Variants in LRCH3 observed in about 807,000 individuals in gnomAD.
LRCH3 encodes leucine rich repeats and calponin homology domain containing 3, also known as DISP complex protein LRCH3.
In LRCH3, 68 loss-of-function variants were observed where a neutral mutation model predicts 104.5. The ratio of observed to expected loss-of-function variants is 0.65; its 90% CI spans 0.54 to 0.80. The LOEUF is 0.80. Ranked by LOEUF, LRCH3 falls within the 30% of genes least tolerant of loss-of-function variation. LRCH3 has a pLI of 0.00. For missense variants in LRCH3, 951 were observed against 953.9 expected (o/e 1.00, Z 0.04); for synonymous variants, 344 against 361.3 (o/e 0.95, Z 0.54).
At chr3:197,875,498 ACAAAAAT>A (rs1430353080) in intron 19 of LRCH3, among the ~76,000 whole-genome samples, 193 bp from the exon 20 acceptor site, 3 of 152,074 alleles carry the variant, frequency 2.0e-5, no homozygotes, top group Non-Finnish European at 4.4e-5. Context: ...CCCTGTCTCT[ACAAAAAT>A]TGCCCAGGTG....
intron 12 of LRCH3, 161 bp from the exon 13 acceptor site, chr3:197,852,400 T>C: frequency 1.5e-6 from 1 of 665,912 alleles, no homozygotes; most frequent in South Asian, 1.9e-5. Flanking sequence ...GTTTTTAAAA[T>C]TTCTAGCTAA....
At chr3:197,831,002 C>A in intron 7 of LRCH3, 139 bp downstream of exon 7, 1 of 672,344 alleles carries the variant, frequency 1.5e-6, no homozygotes, top group African/African-American at 1.8e-5. Flanking sequence ...AAGATTCCCA[C>A]CCTCTCCAGC....
At position 197,871,413 on chromosome 3, in the gene LRCH3, A is replaced by T; in HGVS notation, c.2081A>T (p.His694Leu). ...GTTGTTCTTTGCCATTTGGCCAATC[A>T]TGTGCGACCTCGATCTGTCCCAAGC... is the stretch of plus-strand genomic sequence containing the variant. Reference protein sequence around the residue: ...DGVVLCHLANHVRPRSVPSIH... With the variant: ...DGVVLCHLANLVRPRSVPSIH... Residue 694 changes from histidine to leucine, a missense_variant, in exon 19 of 21, where the codon CAT becomes CTT. His to Leu is a moderately conservative substitution (Grantham distance 99, BLOSUM62 -3). Transcript: ENST00000425562. The T allele has an allele frequency of 6.2e-7, 1 of 1,614,128 alleles. No individual in the cohort carries two copies. Among genetic ancestry groups the T allele is most frequent in the Non-Finnish European group, 8.5e-7 (1 of 1,180,016 alleles).
intron 13 of LRCH3, among the ~76,000 whole-genome samples, chr3:197,853,029 A>G (rs1473184501): frequency 6.6e-6 from 1 of 152,232 alleles, no homozygotes; most frequent in Non-Finnish European, 1.5e-5. Flanking sequence ...AATATCAAAT[A>G]GTACATTTTT....
chr3:197,876,497 T>G (rs1712905068), intron 20 of LRCH3, among the ~76,000 whole-genome samples: 1 of 152,218 alleles, frequency 6.6e-6, no homozygotes, highest in South Asian at 2.1e-4. Flanking sequence ...CTTGATACAG[T>G]CTTATCCAAT....
chr3:197,827,343 C>G (rs903286492), intron 5 of LRCH3, among the ~76,000 whole-genome samples: 4 of 151,692 alleles, frequency 2.6e-5, no homozygotes, highest in Non-Finnish European at 4.4e-5. Context: ...TCAGGTAAAC[C>G]ATAGTGGAAG....
intron 20 of LRCH3, among the ~76,000 whole-genome samples, chr3:197,879,238 T>G (rs566746315): frequency 9.9e-5 from 15 of 152,242 alleles, no homozygotes; most frequent in Non-Finnish European, 2.1e-4. Context: ...AGTCCATTCT[T>G]GTATTTATTT....
intron 1 of LRCH3, among the ~76,000 whole-genome samples, chr3:197,797,141 A>G (rs1731301644): frequency 6.6e-6 from 1 of 151,984 alleles, no homozygotes; most frequent in Non-Finnish European, 1.5e-5. Context: ...CAGCCTGGCC[A>G]ACATGGTGAA....
chr3:197,880,362 TTTTA>T (rs1713639105), intron 20 of LRCH3: 3 of 665,564 alleles, frequency 4.5e-6, no homozygotes, highest in Non-Finnish European at 5.1e-6. Flanking sequence ...GTTTTCAGCG[TTTTA>T]TTTTTGTTCC....
At chr3:197,803,202 T>C (rs933304696) in intron 1 of LRCH3, among the ~76,000 whole-genome samples, 1 of 152,236 alleles carries the variant, frequency 6.6e-6, no homozygotes, top group Non-Finnish European at 1.5e-5. Flanking sequence ...TTGGTAGTTA[T>C]ATGTCTCACT....
At chr3:197,798,300 C>T (rs927250171) in intron 1 of LRCH3, among the ~76,000 whole-genome samples, 2 of 152,022 alleles carry the variant, frequency 1.3e-5, no homozygotes, top group Admixed American at 1.3e-4. Context: ...GAGAAGCAAT[C>T]TCAGATTAAA....
chr3:197,864,992 C>T (rs1244226745), intron 15 of LRCH3, among the ~76,000 whole-genome samples: 1 of 151,902 alleles, frequency 6.6e-6, no homozygotes, highest in Non-Finnish European at 1.5e-5. Context: ...AGAGTGAGAC[C>T]TTGTCTCAAA....
At chr3:197,834,679 G>A (rs1186854803) in intron 8 of LRCH3, among the ~76,000 whole-genome samples, 2 of 152,114 alleles carry the variant, frequency 1.3e-5, no homozygotes, top group Non-Finnish European at 1.5e-5. Context: ...ATTGGTCTTC[G>A]CTCTTTGTCT....
chr3:197,860,438 C>T (rs1205971636), intron 15 of LRCH3, among the ~76,000 whole-genome samples: 1 of 152,194 alleles, frequency 6.6e-6, no homozygotes, highest in Non-Finnish European at 1.5e-5. Flanking sequence ...GGTACACTGG[C>T]TCACACCTGT....
At chr3:197,815,191 C>T in intron 2 of LRCH3, 139 bp downstream of exon 2, 1 of 497,450 alleles carries the variant, frequency 2.0e-6, no homozygotes, top group Non-Finnish European at 3.4e-6. Flanking sequence ...GATATATTAA[C>T]AGTATTTCCT....
intron 1 of LRCH3, among the ~76,000 whole-genome samples, chr3:197,806,411 G>A (rs1433031697): frequency 6.6e-6 from 1 of 152,086 alleles, no homozygotes; most frequent in African/African-American, 2.4e-5. Flanking sequence ...ACAGGCATGA[G>A]TGCCTGGCCT....
chr3:197,877,767 C>T (rs1580907830), intron 20 of LRCH3, among the ~76,000 whole-genome samples: 1 of 151,752 alleles, frequency 6.6e-6, no homozygotes, highest in South Asian at 2.1e-4. Context: ...TTTTCTTTTG[C>T]TGTTTTTTTT....
At position 197,856,798 on chromosome 3, in the gene LRCH3, C is replaced by G. The variant is rs1355157173; in HGVS notation, c.1645-2036C>G. ...ACCTTAATACACTCCATCCCTACCA[C>G]AGTTCCTGGGATATATTAGGTGCTC... is the stretch of plus-strand genomic sequence containing the variant. On this transcript the variant is annotated intron_variant, in intron 14 of 20. Coordinates refer to ENST00000425562, the MANE Select transcript of LRCH3 (RefSeq NM_001365715.1). The surrounding 1 kb of genome is among the most constrained non-coding windows in gnomAD (Gnocchi z 4.2). Among the ~76,000 whole-genome samples, 1 of 152,228 alleles carries G rather than the reference C, an allele frequency of 6.6e-6. No homozygotes were observed. The highest frequency in any genetic ancestry group is 1.9e-4 in the East Asian group (1 of 5,200).
chr3:197,792,604 TAAA>T (rs1181043551), intron 1 of LRCH3, among the ~76,000 whole-genome samples: 73 of 58,430 alleles, frequency 1.2e-3, no homozygotes, highest in South Asian at 3.2e-3. Flanking sequence ...TATATATATA[TAAA>T]ATATACATAT....
Sources: allele counts gnomAD v4.1 joint callset (sites outside exome capture counted in the v4.1 genomes callset), GRCh38; gene constraint gnomAD v4.1.1; non-coding constraint Gnocchi (gnomAD v3.1); transcripts MANE v1.5; gene names NCBI Gene and HGNC (gene_info 2026-07-23, HGNC 2026-07-21).